The following NUBPL variants were observed in gnomAD, a reference collection of about 807,000 sequenced individuals.
NUBPL encodes the protein iron-sulfur cluster transfer protein NUBPL.
NUBPL carries 31 observed loss-of-function variants against 45.7 expected under a neutral mutation model. The observed-to-expected ratio is 0.68, with a 90% confidence interval of 0.51 to 0.92. The LOEUF is 0.92. Among genes scored for constraint, NUBPL ranks in the 40% least tolerant of loss-of-function variants. The pLI is 0.00. For missense variants in NUBPL, 401 were observed against 398.7 expected (o/e 1.01, Z -0.05); for synonymous variants, 144 against 140.9 (o/e 1.02, Z -0.15).
chr14:31,602,462 A>G (rs1437339652), intron 4 of NUBPL, among the ~76,000 whole-genome samples: 3 of 151,788 alleles, frequency 2.0e-5, no homozygotes, highest in South Asian at 2.1e-4. Flanking sequence ...ATAATTCGCT[A>G]CTACAGAAGT....
At chr14:31,594,665 TA>T (rs2139538969) in intron 3 of NUBPL, among the ~76,000 whole-genome samples, 1 of 152,322 alleles carries the variant, frequency 6.6e-6, no homozygotes, top group African/African-American at 2.4e-5. Context: ...ATCACCTTGT[TA>T]ACCATTAGCT....
chr14:31,831,558 G>T (rs543844210), intron 8 of NUBPL, among the ~76,000 whole-genome samples: 1 of 150,552 alleles, frequency 6.6e-6, no homozygotes, highest in African/African-American at 2.4e-5. Context: ...TGTCTCTCTC[G>T]CTGTGCCTGG....
At chr14:31,710,136 AT>A (rs1566515683) in intron 6 of NUBPL, among the ~76,000 whole-genome samples, 1 of 152,104 alleles carries the variant, frequency 6.6e-6, no homozygotes, top group Non-Finnish European at 1.5e-5. Flanking sequence ...CAGAAAAAAA[AT>A]GTGTCACCTC....
intron 4 of NUBPL, among the ~76,000 whole-genome samples, chr14:31,643,365 G>A (rs188870548): frequency 6.6e-6 from 1 of 152,248 alleles, no homozygotes; most frequent in Admixed American, 6.5e-5. Flanking sequence ...ATAAAGGGAT[G>A]TTGAATTTTA....
chr14:31,607,116 C>A (rs931272126), intron 4 of NUBPL, among the ~76,000 whole-genome samples: 1 of 152,160 alleles, frequency 6.6e-6, no homozygotes, highest in African/African-American at 2.4e-5. Flanking sequence ...CACAGTGGCT[C>A]ACGACTGTAA....
At chr14:31,742,457 G>A (rs557369961) in intron 6 of NUBPL, among the ~76,000 whole-genome samples, 20 of 152,254 alleles carry the variant, frequency 1.3e-4, no homozygotes, top group Admixed American at 1.0e-3. Flanking sequence ...CTTAGATTTT[G>A]TATTATTAAC....
At chr14:31,593,279 T>C (rs955058232) in intron 3 of NUBPL, among the ~76,000 whole-genome samples, 1 of 151,900 alleles carries the variant, frequency 6.6e-6, no homozygotes, top group Non-Finnish European at 1.5e-5. Flanking sequence ...TTTGGGAGGC[T>C]GAGGCGGGCG....
chr14:31,636,964 A>G (rs1352543355), intron 4 of NUBPL, among the ~76,000 whole-genome samples: 1 of 151,870 alleles, frequency 6.6e-6, no homozygotes, highest in Non-Finnish European at 1.5e-5. Context: ...TATTGTGTCT[A>G]TTTGATTCTT....
At position 31,610,608 on chromosome 14, in the gene NUBPL, CAAAAAAA is replaced by C. The variant is rs775656176; in HGVS notation, c.382+11245_382+11251del. Among the ~76,000 whole-genome samples the C allele has an allele frequency of 8.5e-5, 8 of 94,664 alleles. No homozygotes were observed. In the South Asian group the frequency reaches 1.6e-3, roughly 18 times the overall value. The allele number at this position is 94,664 out of a possible 152,430, so 62.1% of individuals were successfully genotyped here. Reference sequence around the variant, plus strand: ...ATATCAAAACCAGAGAAAGATACATCAAAAAAAAAAAAAAAAAAAAAAGAAAGAAAAC... The same window carrying C: ...ATATCAAAACCAGAGAAAGATACATCAAAAAAAAAAAAAAAGAAAGAAAAC... On this transcript the variant is annotated intron_variant, in intron 4 of 10. Transcript: ENST00000281081.
chr14:31,805,143 C>T (rs973264389), intron 7 of NUBPL, among the ~76,000 whole-genome samples: 2 of 152,062 alleles, frequency 1.3e-5, no homozygotes, highest in African/African-American at 4.8e-5. Context: ...TGCATGCAGC[C>T]AACAAGCATA....
At chr14:31,841,994 A>G (rs10152063) in intron 8 of NUBPL, among the ~76,000 whole-genome samples, 59,364 of 136,058 alleles carry the variant, frequency 0.44, 13,019 homozygotes, top group South Asian at 0.54. Context: ...ACAGTGGCAC[A>G]ATCTCAGCTC....
intron 10 of NUBPL, among the ~76,000 whole-genome samples, chr14:31,853,080 G>GTTTTGTTTTGTTT (rs2040563709): frequency 8.5e-6 from 1 of 118,300 alleles, no homozygotes; most frequent in South Asian, 2.3e-4. Flanking sequence ...GTGTTGTGTT[G>GTTTTGTTTTGTTT]TGTTTTGTTT....
chr14:31,668,134 T>G, intron 4 of NUBPL, among the ~76,000 whole-genome samples: 1 of 152,312 alleles, frequency 6.6e-6, no homozygotes, highest in Admixed American at 6.5e-5. Context: ...GCAGGAATGT[T>G]TAAGTCAGCT....
chr14:31,812,160 A>G (rs909346344), intron 7 of NUBPL, among the ~76,000 whole-genome samples: 2 of 152,182 alleles, frequency 1.3e-5, no homozygotes, highest in African/African-American at 4.8e-5. Flanking sequence ...TGGGAGAACC[A>G]CTGCTCTTTT....
At chr14:31,737,444 A>G (rs1171654608) in intron 6 of NUBPL, among the ~76,000 whole-genome samples, 2 of 149,652 alleles carry the variant, frequency 1.3e-5, no homozygotes, top group African/African-American at 4.9e-5. Context: ...AACCTTTGAT[A>G]GCTGTCTCCC....
intron 4 of NUBPL, among the ~76,000 whole-genome samples, chr14:31,645,225 C>T (rs1171177543): frequency 6.6e-6 from 1 of 152,042 alleles, no homozygotes; most frequent in Non-Finnish European, 1.5e-5. Context: ...GCCACCACAC[C>T]CGGCTAATTT....
chr14:31,766,452 C>T (rs1353482860), intron 6 of NUBPL, among the ~76,000 whole-genome samples: 1 of 152,168 alleles, frequency 6.6e-6, no homozygotes, highest in Admixed American at 6.5e-5. Context: ...AGGAAAACAC[C>T]ATGGGACCCA....
intron 6 of NUBPL, among the ~76,000 whole-genome samples, chr14:31,784,127 G>A (rs1309649831): frequency 6.6e-6 from 1 of 152,172 alleles, no homozygotes; most frequent in Non-Finnish European, 1.5e-5. Context: ...GAGAAATGGA[G>A]TCAGCACTCT....
intron 6 of NUBPL, among the ~76,000 whole-genome samples, chr14:31,730,460 A>G (rs2038024940): frequency 1.3e-5 from 2 of 151,272 alleles, no homozygotes. Flanking sequence ...TGGATCAAGT[A>G]ATCTTTTTTT....
Sources: gnomAD v4.1 joint callset for allele counts (sites outside exome capture counted in the v4.1 genomes callset) on GRCh38, gnomAD v4.1.1 for gene constraint, MANE v1.5 for transcripts, NCBI Gene and HGNC (gene_info 2026-07-23, HGNC 2026-07-21) for gene names.